INPP4B: variants seen among roughly 807,000 people sequenced by gnomAD.
INPP4B encodes inositol polyphosphate-4-phosphatase type II B, also known as inositol polyphosphate 4-phosphatase type II.
INPP4B carries 55 observed loss-of-function variants against 122.5 expected under a neutral mutation model. The ratio of observed to expected loss-of-function variants is 0.45; its 90% CI spans 0.36 to 0.56. The LOEUF (loss-of-function observed/expected upper bound fraction) is 0.56, where lower values mean the gene tolerates loss of function less well. INPP4B is among the 20% of genes least tolerant of loss of function. The pLI is 0.00. For missense variants in INPP4B, 1,000 were observed against 1,097.7 expected, an observed-to-expected ratio of 0.91 and a Z score of 1.26; for synonymous variants, 403 against 388.7, an observed-to-expected ratio of 1.04 and a Z score of -0.43.
chr4:142,755,435 G>T (rs1380608654), intron 1 of INPP4B, among the ~76,000 whole-genome samples: 4 of 151,862 alleles, frequency 2.6e-5, no homozygotes, highest in African/African-American at 9.7e-5. Flanking sequence ...TCCTCTGTCA[G>T]CAGTCTCAAT....
At chr4:142,479,310 AT>A (rs1820201330) in intron 2 of INPP4B, among the ~76,000 whole-genome samples, 1 of 152,220 alleles carries the variant, frequency 6.6e-6, no homozygotes, top group Non-Finnish European at 1.5e-5. Context: ...TGTCAAAAAA[AT>A]AACATGCTGG....
intron 2 of INPP4B, among the ~76,000 whole-genome samples, chr4:142,725,143 T>C (rs1318557049): frequency 6.6e-6 from 1 of 152,152 alleles, no homozygotes; most frequent in African/African-American, 2.4e-5. Context: ...TCTGCAGCCA[T>C]ACTCACACTT....
intron 2 of INPP4B, among the ~76,000 whole-genome samples, chr4:142,528,096 A>G (rs916010446): frequency 6.6e-6 from 1 of 152,126 alleles, no homozygotes; most frequent in Non-Finnish European, 1.5e-5. Context: ...CACACATTTT[A>G]CTATTTTATA....
rs146304077 is a variant in INPP4B at position 142,498,120 on chromosome 4, TACAC to T, written c.-190-35398_-190-35395del. ...TTGTGTGTGTGTGTGTATATATATA[TACAC>T]ACACACATATATGTATACATACATA... On this transcript the variant is annotated intron_variant, in intron 2 of 25. Transcript: ENST00000262992. Among the ~76,000 whole-genome samples, 1,004 of 149,448 alleles carry T rather than the reference TACAC, an allele frequency of 6.7e-3. 13 individuals are homozygous for T. Among genetic ancestry groups the T allele is most frequent in the African/African-American group, 0.024 (955 of 40,358 alleles).
intron 25 of INPP4B, among the ~76,000 whole-genome samples, chr4:142,036,080 A>C (rs1211630748): frequency 6.6e-6 from 1 of 151,948 alleles, no homozygotes; most frequent in African/African-American, 2.4e-5. Context: ...AATAGTGTGC[A>C]GTGTCTATTG....
At chr4:142,085,283 T>C (rs139704977) in intron 24 of INPP4B, among the ~76,000 whole-genome samples, 2 of 152,360 alleles carry the variant, frequency 1.3e-5, no homozygotes, top group African/African-American at 4.8e-5. Context: ...GAAAACTTTC[T>C]GTTTTAAATG....
intron 3 of INPP4B, among the ~76,000 whole-genome samples, chr4:142,455,525 T>A (rs1306985772): frequency 6.6e-6 from 1 of 152,046 alleles, no homozygotes; most frequent in Non-Finnish European, 1.5e-5. Flanking sequence ...AGTACTCCAT[T>A]GTGTATATGT....
At chr4:142,743,942 T>C (rs759971036) in intron 1 of INPP4B, among the ~76,000 whole-genome samples, 2 of 151,816 alleles carry the variant, frequency 1.3e-5, no homozygotes, top group African/African-American at 4.8e-5. Context: ...TGACACATAG[T>C]AAAGAATAAG....
intron 3 of INPP4B, among the ~76,000 whole-genome samples, chr4:142,444,515 T>C (rs1812486350): frequency 6.6e-6 from 1 of 151,964 alleles, no homozygotes; most frequent in African/African-American, 2.4e-5. Flanking sequence ...CAACAGATGC[T>C]GGAGAGGATG....
intron 15 of INPP4B, among the ~76,000 whole-genome samples, chr4:142,187,170 T>C (rs1053246062): frequency 6.6e-6 from 1 of 152,138 alleles, no homozygotes; most frequent in African/African-American, 2.4e-5. Flanking sequence ...TGATATATTG[T>C]CAGCTACTGA....
At chr4:142,560,811 C>G (rs199576973) in intron 2 of INPP4B, 2 of 152,480 alleles carry the variant, frequency 1.3e-5, no homozygotes, top group South Asian at 4.1e-4. Context: ...TCCCAGTCCA[C>G]CGACTCAAAT....
intron 1 of INPP4B, among the ~76,000 whole-genome samples, chr4:142,823,961 T>A (rs1205095006): frequency 1.3e-5 from 2 of 152,132 alleles, no homozygotes; most frequent in East Asian, 3.9e-4. Flanking sequence ...CCCTCACCAA[T>A]GTGAGAAGGC....
chr4:142,083,338 T>C (rs1440180947), intron 24 of INPP4B, among the ~76,000 whole-genome samples: 1 of 152,184 alleles, frequency 6.6e-6, no homozygotes, highest in Non-Finnish European at 1.5e-5. Flanking sequence ...TCTTTCTTTT[T>C]GTTATTCTGA....
At chr4:142,445,460 A>AGTATTCCTT (rs1812707520) in intron 3 of INPP4B, among the ~76,000 whole-genome samples, 1 of 152,226 alleles carries the variant, frequency 6.6e-6, no homozygotes, top group East Asian at 1.9e-4. Flanking sequence ...CACATTAAGG[A>AGTATTCCTT]ATACTAACAT....
At chr4:142,497,971 T>C (rs896390826) in intron 2 of INPP4B, among the ~76,000 whole-genome samples, 1 of 152,018 alleles carries the variant, frequency 6.6e-6, no homozygotes, top group East Asian at 1.9e-4. Flanking sequence ...AGAAAGGTAT[T>C]TGTGAATGAA....
At chr4:142,786,526 G>T (rs1480808506) in intron 1 of INPP4B, among the ~76,000 whole-genome samples, 2 of 152,042 alleles carry the variant, frequency 1.3e-5, no homozygotes, top group Admixed American at 6.6e-5. Context: ...ATAATTCCCT[G>T]CTCCTTAACT....
chr4:142,101,751 G>A (rs1561121142), intron 23 of INPP4B, among the ~76,000 whole-genome samples: 1 of 152,128 alleles, frequency 6.6e-6, no homozygotes, highest in Non-Finnish European at 1.5e-5. Context: ...ATATGATTCT[G>A]TATATCTTAG....
At position 142,112,589 on chromosome 4, in the gene INPP4B, T is replaced by C. The variant is rs1247480207; in HGVS notation, c.2229A>G (p.Pro743=). 6 of 1,613,208 alleles carry C rather than the reference T, an allele frequency of 3.7e-6. No individual in the cohort carries two copies. Among genetic ancestry groups the C allele is most frequent in the Non-Finnish European group, 5.1e-6 (6 of 1,179,502 alleles). Residue 743 remains proline (P), a synonymous_variant, in exon 22 of 26, where the codon CCA becomes CCG. Coordinates refer to ENST00000262992, the MANE Select transcript of INPP4B (RefSeq NM_001101669.3). ...IKEGQLLHVY[P]VLFNVGINEQ... is the part of the protein sequence containing the mutation. ...CATTGATTCCAACATTAAAAAGTACTGGATACACATGAAGCAACTGTCCTT... is the reference window on the plus strand; with the variant it reads ...CATTGATTCCAACATTAAAAAGTACCGGATACACATGAAGCAACTGTCCTT...
intron 10 of INPP4B, among the ~76,000 whole-genome samples, chr4:142,261,339 G>A (rs1224787964): frequency 6.6e-6 from 1 of 152,152 alleles, no homozygotes; most frequent in Non-Finnish European, 1.5e-5. Context: ...TTTCACACAG[G>A]AAGACTCTAG....
Sources: allele counts gnomAD v4.1 joint callset (sites outside exome capture counted in the v4.1 genomes callset), GRCh38; gene constraint gnomAD v4.1.1; transcripts MANE v1.5; gene names NCBI Gene and HGNC (gene_info 2026-07-23, HGNC 2026-07-21).